Variants in RNF152 observed in about 807,000 individuals in gnomAD.
RNF152 encodes the protein ring finger protein 152.
Under a neutral mutation model 12.7 loss-of-function variants are expected in RNF152, and 11 were observed. That is an observed-to-expected ratio of 0.86 (90% CI 0.54 to 1.43). The LOEUF (loss-of-function observed/expected upper bound fraction) is 1.43. Ranked by LOEUF, RNF152 falls within the 40% of genes most tolerant of loss-of-function variation. The pLI is 0.00. For missense variants in RNF152, 255 were observed against 274.8 expected (o/e 0.93, Z 0.51); for synonymous variants, 113 against 120.3 (o/e 0.94, Z 0.40).
chr18:61,856,854 T>C (rs1479989550), intron 1 of RNF152, among the ~76,000 whole-genome samples: 3 of 152,026 alleles, frequency 2.0e-5, no homozygotes, highest in African/African-American at 4.8e-5. Context: ...GACAGGAAAA[T>C]TGAGGACTAG....
chr18:61,832,587 C>A (rs1430032242), intron 1 of RNF152, among the ~76,000 whole-genome samples: 1 of 152,126 alleles, frequency 6.6e-6, no homozygotes, highest in African/African-American at 2.4e-5. Context: ...AATAACTTAT[C>A]TTTCTCAGGA....
chr18:61,887,763 A>G (rs1215008301), intron 1 of RNF152, among the ~76,000 whole-genome samples: 1 of 152,056 alleles, frequency 6.6e-6, no homozygotes, highest in Admixed American at 6.5e-5. Context: ...AGCTTTTACC[A>G]AAATCTCTTC....
chr18:61,832,535 G>A (rs1431746837), intron 1 of RNF152, among the ~76,000 whole-genome samples: 2 of 152,088 alleles, frequency 1.3e-5, no homozygotes, highest in Non-Finnish European at 2.9e-5. Context: ...ACAAATAACT[G>A]CTTGAGTTTC....
At chr18:61,859,648 G>A (rs1406591241) in intron 1 of RNF152, among the ~76,000 whole-genome samples, 2 of 152,196 alleles carry the variant, frequency 1.3e-5, no homozygotes, top group Non-Finnish European at 2.9e-5. Flanking sequence ...GGAGGCCGAG[G>A]CGGGCAGATC....
intron 1 of RNF152, among the ~76,000 whole-genome samples, chr18:61,861,694 G>T (rs1264863128): frequency 6.6e-6 from 1 of 152,196 alleles, no homozygotes; most frequent in Non-Finnish European, 1.5e-5. Flanking sequence ...CTCGGCATTT[G>T]GCGAGGGCCT....
intron 1 of RNF152, among the ~76,000 whole-genome samples, chr18:61,864,249 G>A (rs1911630121): frequency 6.6e-6 from 1 of 152,150 alleles, no homozygotes; most frequent in African/African-American, 2.4e-5. Context: ...CAGGCCTCCT[G>A]TGCTTCTGAC....
At chr18:61,847,387 T>C (rs1910785146) in intron 1 of RNF152, among the ~76,000 whole-genome samples, 1 of 151,988 alleles carries the variant, frequency 6.6e-6, no homozygotes, top group Non-Finnish European at 1.5e-5. Context: ...TAAAAAGAGG[T>C]TTGGTATTGT....
chr18:61,882,725 G>C (rs971249755), intron 1 of RNF152, among the ~76,000 whole-genome samples: 1 of 152,192 alleles, frequency 6.6e-6, no homozygotes, highest in Non-Finnish European at 1.5e-5. Context: ...CCCAGCTCCT[G>C]AGATCTCTAA....
intron 1 of RNF152, among the ~76,000 whole-genome samples, chr18:61,867,751 C>A (rs999669233): frequency 4.2e-4 from 64 of 151,966 alleles, no homozygotes; most frequent in African/African-American, 1.4e-3. Context: ...ATATTACCAG[C>A]AATGCAGCAG....
At chr18:61,823,381 C>T (rs371734132) in intron 1 of RNF152, among the ~76,000 whole-genome samples, 10 of 152,338 alleles carry the variant, frequency 6.6e-5, no homozygotes, top group African/African-American at 1.7e-4. Context: ...CCGCAACCTC[C>T]GCTTCTTGGG....
At chr18:61,821,987 G>T (rs1381294495) in intron 1 of RNF152, among the ~76,000 whole-genome samples, 1 of 152,192 alleles carries the variant, frequency 6.6e-6, no homozygotes, top group African/African-American at 2.4e-5. Context: ...CTGCTTCAGA[G>T]ACCTGTTTGG....
At chr18:61,887,916 T>C (rs1320330246) in intron 1 of RNF152, 1 of 151,914 alleles carries the variant, frequency 6.6e-6, no homozygotes. Context: ...AAAGAGAAAA[T>C]ACAAGCACAG....
chr18:61,873,324 C>A (rs938535882), intron 1 of RNF152, among the ~76,000 whole-genome samples: 3 of 152,092 alleles, frequency 2.0e-5, no homozygotes, highest in African/African-American at 7.2e-5. Flanking sequence ...AAAAATTCTG[C>A]AGTCTCCTTT....
chr18:61,886,201 T>G (rs79556987), intron 1 of RNF152, among the ~76,000 whole-genome samples: 9,473 of 152,152 alleles, frequency 0.062, 1,029 homozygotes, highest in African/African-American at 0.22. Flanking sequence ...CTCTTAAAAA[T>G]AAGTTTCTAT....
chr18:61,861,256 T>C (rs1911464412), intron 1 of RNF152, among the ~76,000 whole-genome samples: 1 of 152,226 alleles, frequency 6.6e-6, no homozygotes, highest in Admixed American at 6.5e-5. Flanking sequence ...GCTCCATTCA[T>C]GCTAAGTGTC....
chr18:61,816,053 A>G lies in RNF152; in HGVS notation c.411T>C (p.Ala137=). ...CCCCACCTTGCAGAGGCTGCTGTTC[A>G]GCAGGGATGGTCACCACGGTGACGG... ...QKSVTVVTIP[A]EQQPLQGGAP... The change falls in exon 2 of 2, where the codon GCT becomes GCC. Residue 137 remains alanine (A), a synonymous_variant. Coordinates refer to ENST00000312828, the MANE Select transcript of RNF152 (RefSeq NM_173557.3). The G allele has an allele frequency of 6.2e-7, 1 of 1,614,234 alleles. No individual in the cohort carries two copies. Among genetic ancestry groups the G allele is most frequent in the African/African-American group, 1.3e-5 (1 of 75,066 alleles).
chr18:61,811,751 G>C lies in RNF152; in HGVS notation c.*4101C>G, dbSNP rs1183234655. The stretch of plus-strand genomic sequence containing the variant: ...GATTTCATTAGGCTTTTTTTTTCCT[G>C]TAACATTTACTTTTTGGCCACAAGA... On this transcript the variant is annotated 3_prime_UTR_variant, in exon 2 of 2. Transcript: ENST00000312828. The C allele has an allele frequency of 6.6e-6, 1 of 151,798 alleles. No individual in the cohort carries two copies. Among genetic ancestry groups the C allele is most frequent in the Admixed American group, 6.6e-5 (1 of 15,252 alleles). The allele number at this position is 151,798 out of a possible 1,614,324, so 9.4% of individuals were successfully genotyped here.
chr18:61,859,072 T>A (rs1568282908), intron 1 of RNF152, among the ~76,000 whole-genome samples: 1 of 152,174 alleles, frequency 6.6e-6, no homozygotes, highest in Non-Finnish European at 1.5e-5. Flanking sequence ...GCCACGACCC[T>A]GTATTATAGA....
intron 1 of RNF152, among the ~76,000 whole-genome samples, chr18:61,867,823 A>T (rs1911807260): frequency 6.6e-6 from 1 of 152,208 alleles, no homozygotes; most frequent in South Asian, 2.1e-4. Flanking sequence ...ACTGCTCTTA[A>T]ATCCTATAAA....
Sources: allele counts gnomAD v4.1 joint callset (sites outside exome capture counted in the v4.1 genomes callset), GRCh38; gene constraint gnomAD v4.1.1; transcripts MANE v1.5; gene names NCBI Gene and HGNC (gene_info 2026-07-23, HGNC 2026-07-21).